Variants in CNTN3 observed in about 807,000 individuals in gnomAD.
CNTN3 encodes contactin-3.
CNTN3 carries 60 observed loss-of-function variants against 119.1 expected under a neutral mutation model. That is an observed-to-expected ratio of 0.50 (90% confidence interval 0.41 to 0.62). The LOEUF is 0.62. CNTN3 is among the 20% of genes least tolerant of loss of function. The pLI is 0.00. For missense variants in CNTN3, 1,101 were observed against 1,242.4 expected (o/e 0.89, Z 1.71); for synonymous variants, 450 against 438.7 (o/e 1.03, Z -0.32).
chr3:74,556,369 T>C (rs1191502008), intron 1 of CNTN3, among the ~76,000 whole-genome samples: 1 of 152,188 alleles, frequency 6.6e-6, no homozygotes, highest in Non-Finnish European at 1.5e-5. Context: ...GATTTGTTTA[T>C]TCTGGGCATT....
chr3:74,402,166 C>G (rs1559583658), intron 5 of CNTN3, among the ~76,000 whole-genome samples: 3 of 152,136 alleles, frequency 2.0e-5, no homozygotes, highest in Non-Finnish European at 4.4e-5. Context: ...CCAAAGGAAA[C>G]AAGCTTTTTG....
Position 74,319,735 on chromosome 3 carries a change from C to T in CNTN3, c.1668+15000G>A, listed in dbSNP as rs182144915. 6.0e-3 allele frequency among the ~76,000 whole-genome samples: 904 copies of T among 149,840 alleles called. 12 individuals are homozygous for T. The highest frequency in any genetic ancestry group is 0.021 in the African/African-American group (862 of 40,844). ...ACCATCAGAGTGAACAGGCACCCTA[C>T]AAAATGGGAAAAAATTTTCGCAACC... On this transcript the variant is annotated intron_variant, in intron 13 of 22. Transcript: ENST00000263665.
chr3:74,351,779 A>C (rs1703822251), intron 11 of CNTN3, among the ~76,000 whole-genome samples: 1 of 152,170 alleles, frequency 6.6e-6, no homozygotes, highest in South Asian at 2.1e-4. Context: ...TGATTATCAC[A>C]CCATGAGCCC....
chr3:74,471,707 T>C, intron 4 of CNTN3, among the ~76,000 whole-genome samples: 1 of 152,194 alleles, frequency 6.6e-6, no homozygotes, highest in Non-Finnish European at 1.5e-5. Flanking sequence ...GATTCAAGTC[T>C]AGAACATTCT....
chr3:74,329,766 T>A, intron 13 of CNTN3, among the ~76,000 whole-genome samples: 1 of 152,184 alleles, frequency 6.6e-6, no homozygotes, highest in Non-Finnish European at 1.5e-5. Context: ...CAGGGGTAAA[T>A]AATGGAGTAA....
chr3:74,416,373 T>C (rs1701520328), intron 5 of CNTN3, among the ~76,000 whole-genome samples: 1 of 152,212 alleles, frequency 6.6e-6, no homozygotes, highest in Admixed American at 6.5e-5. Flanking sequence ...GGTTCTGTGA[T>C]TATTCCCCAT....
chr3:74,417,716 G>C (rs546733544), intron 5 of CNTN3, among the ~76,000 whole-genome samples: 26 of 152,110 alleles, frequency 1.7e-4, no homozygotes, highest in Non-Finnish European at 2.6e-4. Flanking sequence ...GTTTCCTTTA[G>C]AGATCAAAAT....
intron 1 of CNTN3, among the ~76,000 whole-genome samples, chr3:74,586,331 C>A (rs1704591650): frequency 6.6e-6 from 1 of 152,028 alleles, no homozygotes; most frequent in Admixed American, 6.6e-5. Context: ...AGGGAAAATG[C>A]TAAAATATAC....
intron 11 of CNTN3, among the ~76,000 whole-genome samples, chr3:74,351,531 T>C (rs188646346): frequency 5.9e-5 from 9 of 152,360 alleles, no homozygotes; most frequent in Admixed American, 5.9e-4. Flanking sequence ...CTGATTTCCA[T>C]GCTTTGCCCT....
intron 1 of CNTN3, among the ~76,000 whole-genome samples, chr3:74,579,267 C>CAGATCTAAAG (rs926216021): frequency 6.6e-6 from 1 of 151,080 alleles, no homozygotes; most frequent in Admixed American, 6.6e-5. Flanking sequence ...CACAAATTGA[C>CAGATCTAAAG]AGATCTAAAG....
intron 4 of CNTN3, among the ~76,000 whole-genome samples, chr3:74,439,953 C>A (rs1225312679): frequency 2.0e-5 from 3 of 152,144 alleles, no homozygotes; most frequent in Non-Finnish European, 4.4e-5. Flanking sequence ...TTCTCTTTCT[C>A]AGCAACTAGG....
intron 5 of CNTN3, among the ~76,000 whole-genome samples, chr3:74,378,475 A>C (rs1022470868): frequency 6.6e-6 from 1 of 152,204 alleles, no homozygotes; most frequent in Non-Finnish European, 1.5e-5. Context: ...ACCAAGTCTG[A>C]CTTGCGAGGG....
At chr3:74,568,760 CTCT>C (rs962085563) in intron 1 of CNTN3, among the ~76,000 whole-genome samples, 4 of 152,178 alleles carry the variant, frequency 2.6e-5, no homozygotes, top group African/African-American at 9.7e-5. Flanking sequence ...CTTCCACAGC[CTCT>C]TCTTTGTTTT....
chr3:74,417,954 T>C (rs1701551025), intron 5 of CNTN3, among the ~76,000 whole-genome samples: 1 of 152,216 alleles, frequency 6.6e-6, no homozygotes, highest in Non-Finnish European at 1.5e-5. Flanking sequence ...ATCCCCAGGA[T>C]AGGAGCAATA....
chr3:74,610,797 G>A (rs940544332), intron 1 of CNTN3, among the ~76,000 whole-genome samples: 3 of 152,022 alleles, frequency 2.0e-5, no homozygotes, highest in African/African-American at 7.2e-5. Flanking sequence ...GAGGGAAGTG[G>A]GCGAATGTGA....
intron 1 of CNTN3, among the ~76,000 whole-genome samples, chr3:74,580,885 A>G (rs1704494570): frequency 6.6e-6 from 1 of 151,992 alleles, no homozygotes. Flanking sequence ...CAATCAACTA[A>G]TTTTTAAATT....
rs537582445 is a variant in CNTN3, at chr3:74,348,590, A to G, written c.1365-11932T>C. 8.2e-4 allele frequency among the ~76,000 whole-genome samples: 125 copies of G among 152,192 alleles called. 1 individual carries two copies. Among genetic ancestry groups the G allele is most frequent in the Non-Finnish European group, 1.6e-3 (111 of 68,040 alleles). ...CTACACTCACCCATGCGGAGAGACC[A>G]TAAGCAGAGGCCTTGGGCTTCATGA... On this transcript the variant is annotated intron_variant, in intron 11 of 22. Transcript: ENST00000263665.
chr3:74,455,217 T>A (rs1356810620), intron 4 of CNTN3, among the ~76,000 whole-genome samples: 8 of 152,094 alleles, frequency 5.3e-5, no homozygotes. Flanking sequence ...TATTTTTTTT[T>A]CTCTAAACTT....
At chr3:74,320,409 A>G (rs2106669886) in intron 13 of CNTN3, among the ~76,000 whole-genome samples, 1 of 152,268 alleles carries the variant, frequency 6.6e-6, no homozygotes, top group East Asian at 1.9e-4. Flanking sequence ...TCAGCAAACT[A>G]TCGCAAGGAC....
Sources: allele counts gnomAD v4.1 joint callset (sites outside exome capture counted in the v4.1 genomes callset), GRCh38; gene constraint gnomAD v4.1.1; transcripts MANE v1.5; gene names NCBI Gene and HGNC (gene_info 2026-07-23, HGNC 2026-07-21).